The following CNBD1 variants were observed in gnomAD, a reference collection of about 807,000 sequenced individuals.
CNBD1 encodes cyclic nucleotide-binding domain-containing protein 1.
CNBD1 carries 71 observed loss-of-function variants against 54.4 expected under a neutral mutation model. That is an observed-to-expected ratio of 1.30 (90% confidence interval 1.08 to 1.59). The LOEUF (loss-of-function observed/expected upper bound fraction) is 1.59. Ranked by LOEUF, CNBD1 falls within the 40% of genes most tolerant of loss-of-function variation. CNBD1 has a pLI of 0.00. For missense variants in CNBD1, 659 were observed against 518.0 expected, an observed-to-expected ratio of 1.27 and a Z score of -2.64; for synonymous variants, 182 against 170.7, an observed-to-expected ratio of 1.07 and a Z score of -0.51.
chr8:87,403,983 T>C (rs1450745921), intron 2 of CNBD1, among the ~76,000 whole-genome samples: 1 of 152,102 alleles, frequency 6.6e-6, no homozygotes, highest in Non-Finnish European at 1.5e-5. Flanking sequence ...ATGTTTCTTT[T>C]AGTTTACACT....
Position 87,343,746 on chromosome 8 carries a change from G to A in CNBD1, c.1043-7939G>A, listed in dbSNP as rs570200410. On this transcript the variant is annotated intron_variant, in intron 8 of 10. Coordinates refer to ENST00000518476, the MANE Select transcript of CNBD1 (RefSeq NM_173538.3). ...TTTAAAAAATATTAACTTATTGGCAGTATAATATATTCTATGGGTTTTCAT... is the reference window on the plus strand; with the variant it reads ...TTTAAAAAATATTAACTTATTGGCAATATAATATATTCTATGGGTTTTCAT... Among the ~76,000 whole-genome samples the A allele has an allele frequency of 1.6e-4, 24 of 152,128 alleles. No individual in the cohort carries two copies. In the East Asian group the frequency reaches 1.7e-3, roughly 11 times the overall value.
At chr8:87,328,540 A>T (rs1019105695) in intron 8 of CNBD1, among the ~76,000 whole-genome samples, 1 of 151,866 alleles carries the variant, frequency 6.6e-6, no homozygotes, top group Non-Finnish European at 1.5e-5. Flanking sequence ...TGAATCAGAA[A>T]CTATGAGGAC....
downstream of CNBD1, among the ~76,000 whole-genome samples, chr8:87,384,807 AAG>A (rs1410888256): frequency 2.0e-5 from 3 of 152,284 alleles, no homozygotes; most frequent in Admixed American, 6.5e-5. Flanking sequence ...AGAGTGAAAA[AAG>A]AGAGTATAAT....
At chr8:87,165,717 G>A (rs1399675815) in intron 4 of CNBD1, among the ~76,000 whole-genome samples, 3 of 151,838 alleles carry the variant, frequency 2.0e-5, no homozygotes, top group Admixed American at 6.6e-5. Flanking sequence ...TGTGTACCAA[G>A]ACTCATTCAT....
chr8:87,128,598 A>G (rs1812049121), intron 4 of CNBD1, among the ~76,000 whole-genome samples: 1 of 152,174 alleles, frequency 6.6e-6, no homozygotes. Context: ...AATGGATTTG[A>G]CAAATACCTT....
chr8:87,244,581 C>T (rs183441959), intron 6 of CNBD1, among the ~76,000 whole-genome samples: 46 of 152,124 alleles, frequency 3.0e-4, no homozygotes, highest in African/African-American at 1.1e-3. Flanking sequence ...TATTTTTATA[C>T]CCTTTAACCC....
chr8:86,951,581 C>CAAAAAAAAAAAAAAAAAA lies in CNBD1; in HGVS notation c.431+11848_431+11865dup, dbSNP rs71275901. Among the ~76,000 whole-genome samples the CAAAAAAAAAAAAAAAAAA allele has an allele frequency of 3.4e-3, 127 of 37,358 alleles. 45 individuals carry two copies. Among genetic ancestry groups the CAAAAAAAAAAAAAAAAAA allele is most frequent in the East Asian group, 4.5e-3 (5 of 1,122 alleles). The allele number at this position is 37,358 out of a possible 152,430, so 24.5% of individuals were successfully genotyped here. A position where few individuals can be genotyped will look rare whatever the true frequency, so the allele number is the denominator to read the frequency against. On this transcript the variant is annotated intron_variant, in intron 4 of 10. Coordinates refer to ENST00000518476, the MANE Select transcript of CNBD1 (RefSeq NM_173538.3). ...GGTGACAGAGCGAGGCTCCGTCTCACAAAAAAAAAAAAAAAAAAAAAAAAA... is the reference window on the plus strand; with the variant it reads ...GGTGACAGAGCGAGGCTCCGTCTCACAAAAAAAAAAAAAAAAAAAAAAAAAAAAAAAAAAAAAAAAAAA...
intron 6 of CNBD1, among the ~76,000 whole-genome samples, chr8:87,261,546 AAG>A (rs1554573611): frequency 6.6e-6 from 1 of 150,936 alleles, no homozygotes; most frequent in Non-Finnish European, 1.5e-5. Flanking sequence ...AAAAAAAAAA[AAG>A]AGAAATGACA....
chr8:87,351,609 C>A, intron 8 of CNBD1, 76 bp from the exon 9 acceptor site: 2 of 1,312,624 alleles, frequency 1.5e-6, no homozygotes, highest in Middle Eastern at 3.9e-4. Flanking sequence ...AATACATTAA[C>A]TTTTGTTGCT....
At chr8:87,389,437 A>T (rs1265848348) in intron 2 of CNBD1, among the ~76,000 whole-genome samples, 8 of 152,188 alleles carry the variant, frequency 5.3e-5, no homozygotes, top group Non-Finnish European at 8.8e-5. Context: ...AAAAATCACA[A>T]GCATTCTTAT....
intron 4 of CNBD1, among the ~76,000 whole-genome samples, chr8:87,038,764 C>G (rs1586214963): frequency 6.6e-6 from 1 of 152,230 alleles, no homozygotes; most frequent in Admixed American, 6.5e-5. Flanking sequence ...TTGGCCCAAG[C>G]CCTCTAGTAA....
At chr8:87,299,665 G>A (rs1043416144) in intron 8 of CNBD1, among the ~76,000 whole-genome samples, 1 of 152,182 alleles carries the variant, frequency 6.6e-6, no homozygotes, top group Non-Finnish European at 1.5e-5. Flanking sequence ...TGAAAACTCA[G>A]TCCAAATACG....
intron 4 of CNBD1, among the ~76,000 whole-genome samples, chr8:86,998,976 C>T (rs891968230): frequency 2.6e-5 from 4 of 152,158 alleles, no homozygotes; most frequent in Non-Finnish European, 2.9e-5. Context: ...ATTCCTCATC[C>T]CATTTTTGAC....
intron 4 of CNBD1, among the ~76,000 whole-genome samples, chr8:86,993,027 G>A (rs373704144): frequency 6.6e-5 from 10 of 152,146 alleles, no homozygotes; most frequent in South Asian, 6.2e-4. Flanking sequence ...AATTTTCATG[G>A]ACCATGTCTT....
At chr8:87,057,993 G>A (rs947448391) in intron 4 of CNBD1, among the ~76,000 whole-genome samples, 3 of 152,032 alleles carry the variant, frequency 2.0e-5, no homozygotes, top group African/African-American at 7.2e-5. Flanking sequence ...TTGCTTATGA[G>A]CCTGTAAAAC....
At chr8:87,421,101 T>C (rs1055808530) in intron 2 of CNBD1, among the ~76,000 whole-genome samples, 2 of 152,048 alleles carry the variant, frequency 1.3e-5, no homozygotes, top group Non-Finnish European at 2.9e-5. Flanking sequence ...TAGATATTTT[T>C]TCAATATAGT....
At chr8:87,078,576 A>G (rs974203036) in intron 4 of CNBD1, among the ~76,000 whole-genome samples, 8 of 152,332 alleles carry the variant, frequency 5.3e-5, no homozygotes, top group African/African-American at 1.9e-4. Context: ...TTCCTTATCA[A>G]AGATACTCAT....
chr8:87,121,320 A>G (rs557433230), intron 4 of CNBD1, among the ~76,000 whole-genome samples: 1 of 151,732 alleles, frequency 6.6e-6, no homozygotes, highest in Non-Finnish European at 1.5e-5. Context: ...AAATTAGACT[A>G]CAAAATTGTA....
At chr8:87,202,256 T>C (rs972409252) in intron 4 of CNBD1, among the ~76,000 whole-genome samples, 1 of 152,126 alleles carries the variant, frequency 6.6e-6, no homozygotes, top group Non-Finnish European at 1.5e-5. Flanking sequence ...GATAAGTCCA[T>C]AATAGCAATA....
Sources: allele counts gnomAD v4.1 joint callset (sites outside exome capture counted in the v4.1 genomes callset), GRCh38; gene constraint gnomAD v4.1.1; transcripts MANE v1.5; gene names NCBI Gene and HGNC (gene_info 2026-07-23, HGNC 2026-07-21).